PLPPR1: variants seen among roughly 807,000 people sequenced by gnomAD.
PLPPR1 encodes the protein phospholipid phosphatase-related protein type 1.
Under a neutral mutation model 33.1 loss-of-function variants are expected in PLPPR1, and 10 were observed. The observed-to-expected ratio is 0.30, with a 90% confidence interval of 0.19 to 0.51. The LOEUF (loss-of-function observed/expected upper bound fraction) is 0.51. Ranked by LOEUF, PLPPR1 falls within the 20% of genes least tolerant of loss-of-function variation. The pLI is 0.97. For missense variants in PLPPR1, 304 were observed against 408.1 expected (o/e 0.74, Z 2.20); for synonymous variants, 151 against 151.0 (o/e 1.00, Z 0.00).
In PLPPR1 at chr9:101,043,394, C is replaced by T. The variant is rs145435317; in HGVS notation, c.-46+14292C>T. On this transcript the variant is annotated intron_variant, in intron 1 of 7. Transcript: ENST00000374874. ...ATATGTATATACGTATATACATACA[C>T]ATATATACATATGTATGTGTGTATA... Among the ~76,000 whole-genome samples the T allele has an allele frequency of 2.0e-5, 3 of 149,892 alleles. No homozygotes were observed. The East Asian group carries it at 5.9e-4, about 29-fold the overall frequency.
chr9:101,297,365 G>C (rs938982659), intron 4 of PLPPR1, among the ~76,000 whole-genome samples: 1 of 152,180 alleles, frequency 6.6e-6, no homozygotes, highest in African/African-American at 2.4e-5. Flanking sequence ...GCATGGATTT[G>C]AAGGATAGGC....
chr9:101,220,764 A>T (rs191468053), intron 2 of PLPPR1, among the ~76,000 whole-genome samples: 20 of 152,312 alleles, frequency 1.3e-4, no homozygotes, highest in African/African-American at 4.1e-4. Flanking sequence ...ACTGGTTCTC[A>T]TTGAGTCATA....
intron 2 of PLPPR1, among the ~76,000 whole-genome samples, chr9:101,211,217 C>T (rs10125415): frequency 0.038 from 5,859 of 152,218 alleles, 347 homozygotes; most frequent in African/African-American, 0.13. Context: ...AAGGCAGCCC[C>T]TGCCACCCAG....
chr9:101,217,548 C>T (rs2118780415), intron 2 of PLPPR1, among the ~76,000 whole-genome samples: 1 of 152,262 alleles, frequency 6.6e-6, no homozygotes, highest in South Asian at 2.1e-4. Context: ...ATTATATAGT[C>T]ACTTCTACCT....
At chr9:101,039,435 T>C (rs1306649018) in intron 1 of PLPPR1, among the ~76,000 whole-genome samples, 1 of 152,188 alleles carries the variant, frequency 6.6e-6, no homozygotes, top group African/African-American at 2.4e-5. Context: ...TCATTCATTA[T>C]TTTTGATATA....
At chr9:101,049,673 G>A (rs12347639) in intron 1 of PLPPR1, among the ~76,000 whole-genome samples, 1,613 of 152,210 alleles carry the variant, frequency 0.011, 13 homozygotes, top group Middle Eastern at 0.02. Context: ...TGGCTCCGAA[G>A]TTGCCATTCT....
At chr9:101,243,297 AT>A (rs1203041187) in intron 2 of PLPPR1, among the ~76,000 whole-genome samples, 2 of 152,010 alleles carry the variant, frequency 1.3e-5, no homozygotes, top group African/African-American at 4.8e-5. Context: ...TAGAAAAAAA[AT>A]ATATTAGTGG....
intron 2 of PLPPR1, among the ~76,000 whole-genome samples, chr9:101,214,539 A>G (rs1035846123): frequency 1.3e-5 from 2 of 152,252 alleles, no homozygotes; most frequent in Non-Finnish European, 2.9e-5. Flanking sequence ...AGTCATTAAA[A>G]GTTGTTATTT....
At chr9:101,209,336 CTG>C (rs1396583461) in intron 2 of PLPPR1, among the ~76,000 whole-genome samples, 2 of 152,214 alleles carry the variant, frequency 1.3e-5, no homozygotes, top group African/African-American at 2.4e-5. Context: ...ACTTTTTCCT[CTG>C]TGAATTTTTC....
intron 1 of PLPPR1, among the ~76,000 whole-genome samples, chr9:101,117,777 C>T (rs1286384323): frequency 6.6e-6 from 1 of 152,124 alleles, no homozygotes. Context: ...CTACCTCTTT[C>T]AAAAGGCAAT....
intron 1 of PLPPR1, among the ~76,000 whole-genome samples, chr9:101,145,455 C>T (rs1287152137): frequency 6.6e-6 from 1 of 152,082 alleles, no homozygotes; most frequent in Admixed American, 6.6e-5. Context: ...GATCTTGGCT[C>T]ACTGCAACCT....
chr9:101,166,568 A>G (rs1271154877), intron 1 of PLPPR1, among the ~76,000 whole-genome samples: 5 of 152,210 alleles, frequency 3.3e-5, no homozygotes, highest in African/African-American at 9.6e-5. Context: ...CAGAGTAAGT[A>G]TCAGGAATTT....
At chr9:101,186,171 C>G (rs1826199571) in intron 2 of PLPPR1, among the ~76,000 whole-genome samples, 1 of 151,752 alleles carries the variant, frequency 6.6e-6, no homozygotes, top group South Asian at 2.1e-4. Context: ...TGTACTCTAC[C>G]TCTGTTTCTA....
intron 2 of PLPPR1, among the ~76,000 whole-genome samples, chr9:101,212,070 A>T (rs1467227721): frequency 3.3e-5 from 5 of 151,876 alleles, no homozygotes. Context: ...GTTGCTTCCA[A>T]ATCTTGGCTA....
intron 2 of PLPPR1, among the ~76,000 whole-genome samples, chr9:101,212,560 C>T (rs1221924232): frequency 6.6e-6 from 1 of 152,014 alleles, no homozygotes; most frequent in Non-Finnish European, 1.5e-5. Context: ...ATGTAATTTC[C>T]AACATCATTC....
chr9:101,093,179 T>C (rs972535446), intron 1 of PLPPR1, among the ~76,000 whole-genome samples: 2 of 152,160 alleles, frequency 1.3e-5, no homozygotes, highest in Admixed American at 1.3e-4. Context: ...AGAATAACAA[T>C]AGCACTTTCA....
intron 2 of PLPPR1, among the ~76,000 whole-genome samples, chr9:101,189,001 C>T (rs1826251091): frequency 6.6e-6 from 1 of 152,058 alleles, no homozygotes; most frequent in South Asian, 2.1e-4. Context: ...CTTTAGCAAT[C>T]CTTTCAGCAA....
At chr9:101,290,829 T>C (rs550514591) in intron 4 of PLPPR1, among the ~76,000 whole-genome samples, 3 of 152,300 alleles carry the variant, frequency 2.0e-5, no homozygotes, top group Middle Eastern at 3.4e-3. Context: ...TAGGAACAGC[T>C]CCAGTCTACA....
intron 4 of PLPPR1, among the ~76,000 whole-genome samples, chr9:101,297,092 T>TA (rs1828660129): frequency 6.6e-6 from 1 of 152,206 alleles, no homozygotes; most frequent in Admixed American, 6.5e-5. Flanking sequence ...AATTAGCTGT[T>TA]GTCACTTCTG....
Sources: allele counts gnomAD v4.1 joint callset (sites outside exome capture counted in the v4.1 genomes callset), GRCh38; gene constraint gnomAD v4.1.1; transcripts MANE v1.5; gene names NCBI Gene and HGNC (gene_info 2026-07-23, HGNC 2026-07-21).